Variants in ENOX1 observed in about 807,000 individuals in gnomAD.
ENOX1 encodes the protein candidate growth-related and time keeping constitutive hydroquinone (NADH) oxidase.
Under a neutral mutation model 82.5 loss-of-function variants are expected in ENOX1, and 42 were observed. The ratio of observed to expected loss-of-function variants is 0.51; its 90% CI spans 0.40 to 0.66. ENOX1 has a LOEUF of 0.66. ENOX1 is among the 30% of genes least tolerant of loss of function. The pLI is 0.00. For synonymous variants in ENOX1, 271 were observed against 282.2 expected (o/e 0.96, Z 0.40); for missense variants, 608 against 811.6 (o/e 0.75, Z 3.05).
chr13:43,721,853 T>C (rs1480757354), intron 1 of ENOX1, among the ~76,000 whole-genome samples: 1 of 152,146 alleles, frequency 6.6e-6, no homozygotes, highest in Non-Finnish European at 1.5e-5. Flanking sequence ...ACCTAGGCTA[T>C]TGCTTTATGT....
intron 2 of ENOX1, among the ~76,000 whole-genome samples, chr13:43,578,139 T>A (rs1383766676): frequency 6.6e-6 from 1 of 152,182 alleles, no homozygotes; most frequent in African/African-American, 2.4e-5. Context: ...TTTGAAACGA[T>A]CTGGCTTCTA....
intron 2 of ENOX1, among the ~76,000 whole-genome samples, chr13:43,650,137 G>A (rs903678950): frequency 6.6e-6 from 1 of 152,168 alleles, no homozygotes. Flanking sequence ...CATCAGGGAA[G>A]CCATTTCCAC....
chr13:43,732,685 G>A (rs1335144728), intron 1 of ENOX1, among the ~76,000 whole-genome samples: 1 of 152,166 alleles, frequency 6.6e-6, no homozygotes, highest in Non-Finnish European at 1.5e-5. Flanking sequence ...CTTGCTCCAA[G>A]GTTTTCTTAA....
chr13:43,781,269 GAGATGATGCA>G (rs1231880986), intron 1 of ENOX1, among the ~76,000 whole-genome samples: 1 of 152,132 alleles, frequency 6.6e-6, no homozygotes, highest in African/African-American at 2.4e-5. Flanking sequence ...CAAAGAGGGA[GAGATGATGCA>G]TTAATTCCAC....
Position 43,641,519 on chromosome 13 carries a change from T to C in ENOX1, c.-219+25960A>G, listed in dbSNP as rs540454079. 1.0e-3 allele frequency among the ~76,000 whole-genome samples: 122 copies of C among 116,586 alleles called. 4 individuals are homozygous for C. The South Asian group carries it at 0.039, about 37-fold the overall frequency. The allele number at this position is 116,586 out of a possible 152,430, so 76.5% of individuals were successfully genotyped here. On this transcript the variant is annotated intron_variant, in intron 2 of 16. Coordinates refer to ENST00000690772, the MANE Select transcript of ENOX1 (RefSeq NM_001347969.2). ...GAGACACAAAAGTAACAGAGTAACA[T>C]TAATTTTTAATTTTTTTTTTTTTTT...
chr13:43,247,859 ATATATATATATATATATATATATATT>A (rs2043192935), intron 14 of ENOX1, among the ~76,000 whole-genome samples: 4 of 1,764 alleles, frequency 2.3e-3, no homozygotes, highest in Non-Finnish European at 2.4e-3. Flanking sequence ...ATATATATAT[ATATATATATATATATATATATATATT>A]TTTTTTTTTT....
Position 43,315,568 on chromosome 13 carries a change from C to T in ENOX1, c.1261+6816G>A, listed in dbSNP as rs140812057. 2.6e-4 allele frequency among the ~76,000 whole-genome samples: 40 copies of T among 152,272 alleles called. No individual in the cohort carries two copies. The East Asian group carries it at 7.1e-3, about 27-fold the overall frequency. On this transcript the variant is annotated intron_variant, in intron 11 of 16. Transcript: ENST00000690772. Reference sequence around the variant, plus strand: ...GATTTTTTCTAGAAGTTGTGCAAACCGCACTTAAATTCCAACAACACTGTG... The same window carrying T: ...GATTTTTTCTAGAAGTTGTGCAAACTGCACTTAAATTCCAACAACACTGTG...
intron 15 of ENOX1, among the ~76,000 whole-genome samples, chr13:43,225,126 A>G (rs982702812): frequency 2.6e-5 from 4 of 152,242 alleles, no homozygotes; most frequent in African/African-American, 9.6e-5. Flanking sequence ...AGCAACATTG[A>G]TGCACCTGGA....
chr13:43,484,945 G>A (rs1186894789), intron 2 of ENOX1, among the ~76,000 whole-genome samples: 1 of 152,152 alleles, frequency 6.6e-6, no homozygotes, highest in Non-Finnish European at 1.5e-5. Flanking sequence ...ATTACATGCA[G>A]CGCTACATCA....
intron 2 of ENOX1, among the ~76,000 whole-genome samples, chr13:43,502,860 G>T (rs1329639496): frequency 6.6e-6 from 1 of 151,044 alleles, no homozygotes; most frequent in Admixed American, 6.6e-5. Flanking sequence ...GAGCAATCAG[G>T]CAATAAAAAG....
intron 1 of ENOX1, among the ~76,000 whole-genome samples, chr13:43,712,561 C>G (rs2087801191): frequency 6.7e-6 from 1 of 149,026 alleles, no homozygotes; most frequent in Admixed American, 6.7e-5. Context: ...ATGGAATGTT[C>G]TTCCATTTGT....
At chr13:43,358,508 T>C (rs1207635950) in intron 7 of ENOX1, among the ~76,000 whole-genome samples, 1 of 152,152 alleles carries the variant, frequency 6.6e-6, no homozygotes, top group Non-Finnish European at 1.5e-5. Flanking sequence ...TGCAGTTTTC[T>C]TGGTACAGCT....
intron 14 of ENOX1, among the ~76,000 whole-genome samples, chr13:43,243,135 CAAAAAAA>C (rs748084568): frequency 2.5e-5 from 2 of 81,556 alleles, no homozygotes; most frequent in African/African-American, 4.5e-5. Context: ...GACTCTGTCT[CAAAAAAA>C]AAAAAAAAAA....
chr13:43,450,513 G>A (rs531612599), intron 3 of ENOX1, among the ~76,000 whole-genome samples: 1 of 152,276 alleles, frequency 6.6e-6, no homozygotes, highest in South Asian at 2.1e-4. Flanking sequence ...TCAGTAGGAG[G>A]CAGAGGAAAT....
At chr13:43,721,282 A>T (rs1370590500) in intron 1 of ENOX1, among the ~76,000 whole-genome samples, 1 of 152,024 alleles carries the variant, frequency 6.6e-6, no homozygotes, top group African/African-American at 2.4e-5. Flanking sequence ...TTAAATTTTT[A>T]ATTATTATTT....
At chr13:43,279,595 C>T (rs1020390915) in intron 12 of ENOX1, among the ~76,000 whole-genome samples, 2 of 152,148 alleles carry the variant, frequency 1.3e-5, no homozygotes, top group Non-Finnish European at 2.9e-5. Context: ...TCACTTTCTT[C>T]ACATGTTAAA....
intron 14 of ENOX1, among the ~76,000 whole-genome samples, chr13:43,250,050 C>G (rs1399199744): frequency 1.3e-5 from 2 of 151,936 alleles, no homozygotes; most frequent in East Asian, 3.8e-4. Context: ...AGGTGCTGGT[C>G]TCTTACTATC....
intron 2 of ENOX1, among the ~76,000 whole-genome samples, chr13:43,653,518 T>C (rs2084289922): frequency 6.6e-6 from 1 of 152,216 alleles, no homozygotes; most frequent in Non-Finnish European, 1.5e-5. Flanking sequence ...TAATTTATGT[T>C]CTTGGCACAT....
chr13:43,348,148 T>C (rs754698613), intron 8 of ENOX1, among the ~76,000 whole-genome samples: 4 of 152,244 alleles, frequency 2.6e-5, no homozygotes, highest in Non-Finnish European at 5.9e-5. Context: ...TCAGCTGTTA[T>C]TCTTCCCTCA....
Sources: gnomAD v4.1 joint callset for allele counts (sites outside exome capture counted in the v4.1 genomes callset) on GRCh38, gnomAD v4.1.1 for gene constraint, MANE v1.5 for transcripts, NCBI Gene and HGNC (gene_info 2026-07-23, HGNC 2026-07-21) for gene names.